MALL: variants seen among roughly 807,000 people sequenced by gnomAD.
MALL encodes the protein MAL-like protein.
Under a neutral mutation model 10.3 loss-of-function variants are expected in MALL, and 2 were observed. That is an observed-to-expected ratio of 0.19 (90% CI 0.08 to 0.61). MALL has a LOEUF of 0.61. Among genes scored for constraint, MALL ranks in the 20% least tolerant of loss-of-function variants. MALL has a pLI of 0.88. For missense variants in MALL, 39 were observed against 115.2 expected, an observed-to-expected ratio of 0.34 and a Z score of 3.03; for synonymous variants, 27 against 51.8, an observed-to-expected ratio of 0.52 and a Z score of 2.05.
At chr2:110,109,939 C>G (rs1486296707) in intron 1 of MALL, among the ~76,000 whole-genome samples, 1 of 152,116 alleles carries the variant, frequency 6.6e-6, no homozygotes. Context: ...CATTCAAATA[C>G]ATGGAAATTA....
upstream of MALL, among the ~76,000 whole-genome samples, chr2:110,116,864 G>C (rs903911845): frequency 6.6e-6 from 1 of 152,172 alleles, no homozygotes; most frequent in Admixed American, 6.5e-5. Context: ...CTGGTGTGGA[G>C]AGCATGTGGG....
At chr2:110,095,801 G>T (rs1678429236) in intron 1 of MALL, among the ~76,000 whole-genome samples, 1 of 152,060 alleles carries the variant, frequency 6.6e-6, no homozygotes, top group African/African-American at 2.4e-5. Flanking sequence ...GTTGAGCCTG[G>T]ATGTTACCAC....
At chr2:110,103,325 G>T (rs1464759008) in intron 1 of MALL, among the ~76,000 whole-genome samples, 1 of 152,132 alleles carries the variant, frequency 6.6e-6, no homozygotes, top group Non-Finnish European at 1.5e-5. Flanking sequence ...GTGACTGAGG[G>T]ACAGGCTGGT....
intron 1 of MALL, among the ~76,000 whole-genome samples, chr2:110,104,661 C>T (rs1323116130): frequency 2.6e-5 from 4 of 152,198 alleles, no homozygotes; most frequent in Non-Finnish European, 5.9e-5. Flanking sequence ...CAAGCTCCTC[C>T]TTGAATCATC....
intron 1 of MALL, among the ~76,000 whole-genome samples, chr2:110,104,824 C>T (rs1012134676): frequency 6.6e-6 from 1 of 152,168 alleles, no homozygotes; most frequent in Non-Finnish European, 1.5e-5. Flanking sequence ...TTACCTTATC[C>T]CCTCAATGAC....
chr2:110,115,630 G>T, intron 1 of MALL, 58 bp downstream of exon 1: 1 of 1,029,028 alleles, frequency 9.7e-7, no homozygotes, highest in Non-Finnish European at 1.3e-6. Flanking sequence ...GTCTGGGTCC[G>T]AGGCCGGTCT....
intron 1 of MALL, among the ~76,000 whole-genome samples, chr2:110,102,795 C>T (rs1678602118): frequency 1.3e-5 from 2 of 152,154 alleles, no homozygotes; most frequent in African/African-American, 4.8e-5. Context: ...AGGCTTTTCC[C>T]ACCACCCTGC....
intron 1 of MALL, among the ~76,000 whole-genome samples, chr2:110,107,672 C>T (rs1348196768): frequency 1.3e-5 from 2 of 152,192 alleles, no homozygotes; most frequent in Non-Finnish European, 2.9e-5. Context: ...ACTGGTCCCT[C>T]TCCATACTAC....
intron 1 of MALL, among the ~76,000 whole-genome samples, chr2:110,099,745 G>A (rs779949090): frequency 4.6e-5 from 7 of 152,082 alleles, no homozygotes; most frequent in Non-Finnish European, 1.0e-4. Flanking sequence ...CTGAGAAGGG[G>A]GCACAGGGCA....
At chr2:110,117,014 C>A (rs1678933747), upstream of MALL, among the ~76,000 whole-genome samples, 1 of 152,150 alleles carries the variant, frequency 6.6e-6, no homozygotes, top group Admixed American at 6.5e-5. Context: ...CTGGGGAGAG[C>A]CAAGGGAGAG....
At chr2:110,106,871 G>A (rs780883367) in intron 1 of MALL, among the ~76,000 whole-genome samples, 32 of 152,140 alleles carry the variant, frequency 2.1e-4, no homozygotes, top group Non-Finnish European at 3.5e-4. Context: ...ACCACGGAAC[G>A]CTACTTAGCA....
At chr2:110,109,628 A>T (rs982259548) in intron 1 of MALL, among the ~76,000 whole-genome samples, 6 of 152,208 alleles carry the variant, frequency 3.9e-5, no homozygotes, top group African/African-American at 1.4e-4. Context: ...CTCCACTGAC[A>T]GCACTAGACA....
At chr2:110,092,732 T>TAAA in intron 1 of MALL, among the ~76,000 whole-genome samples, 1 of 128,986 alleles carries the variant, frequency 7.8e-6, no homozygotes, top group East Asian at 2.2e-4. Context: ...ATAATAATAA[T>TAAA]AATAAAGAAA....
upstream of MALL, chr2:110,115,996 G>T: frequency 2.6e-6 from 1 of 391,990 alleles, no homozygotes; most frequent in Non-Finnish European, 4.5e-6. Context: ...TGCCTGGCCG[G>T]CGGGGGGCAC....
chr2:110,099,369 A>G (rs535840074), intron 1 of MALL, among the ~76,000 whole-genome samples: 1 of 152,294 alleles, frequency 6.6e-6, no homozygotes, highest in East Asian at 1.9e-4. Flanking sequence ...GGGGGTTACA[A>G]ATACATCTTA....
intron 1 of MALL, among the ~76,000 whole-genome samples, chr2:110,105,252 TG>T (rs1392440540): frequency 2.6e-5 from 4 of 152,248 alleles, no homozygotes; most frequent in Non-Finnish European, 4.4e-5. Flanking sequence ...GGGCTGGGCC[TG>T]GCCAAGGGGC....
chr2:110,115,758 G>T lies in MALL; in HGVS notation c.35C>A (p.Ala12Asp). 3.1e-6 allele frequency: 4 copies of T among 1,288,398 alleles called. No homozygotes were observed. The highest frequency in any genetic ancestry group is 4.0e-6 in the Non-Finnish European group (4 of 1,010,662). 79.8% of individuals were successfully genotyped at this position (1,288,398 alleles called of 1,614,324 possible). A position where few individuals can be genotyped will look rare whatever the true frequency, so the allele number is the denominator to read the frequency against. ...GACCCCCGAGGGCACGTCGGACGGGGCGTAGCTGGTGGCGGGCGGGTCGGG... is the reference window on the plus strand; with the variant it reads ...GACCCCCGAGGGCACGTCGGACGGGTCGTAGCTGGTGGCGGGCGGGTCGGG... ...ASPDPPATSY[A>D]PSDVPSGVAL... The change falls in exon 1 of 4, where the codon GCC becomes GAC. Residue 12 changes from alanine (A) to aspartate (D), a missense_variant. Transcript: ENST00000272462.
intron 1 of MALL, among the ~76,000 whole-genome samples, chr2:110,114,019 G>A (rs777612003): frequency 6.6e-6 from 1 of 151,912 alleles, no homozygotes; most frequent in Non-Finnish European, 1.5e-5. Context: ...CAACACCAGC[G>A]TGCACTTTGC....
intron 1 of MALL, among the ~76,000 whole-genome samples, chr2:110,098,119 A>G: frequency 6.6e-6 from 1 of 151,882 alleles, no homozygotes; most frequent in East Asian, 1.9e-4. Context: ...GGATGAAGGA[A>G]AGGATTGTCC....
Sources: allele counts gnomAD v4.1 joint callset (sites outside exome capture counted in the v4.1 genomes callset), GRCh38; gene constraint gnomAD v4.1.1; transcripts MANE v1.5; gene names NCBI Gene and HGNC (gene_info 2026-07-23, HGNC 2026-07-21).